The following NPAS3 variants were observed in gnomAD, a reference collection of about 807,000 sequenced individuals.
NPAS3 encodes the protein neuronal PAS domain protein 3.
NPAS3 carries 14 observed loss-of-function variants against 73.1 expected under a neutral mutation model. The observed-to-expected ratio is 0.19, with a 90% CI of 0.13 to 0.30. The LOEUF (loss-of-function observed/expected upper bound fraction) is 0.30. Among genes scored for constraint, NPAS3 ranks in the 10% least tolerant of loss-of-function variants. The probability of loss-of-function intolerance (pLI) is 1.00; values close to 1 mark genes in which losing one functional copy is unlikely to be tolerated. For missense variants in NPAS3, 1,096 were observed against 1,250.0 expected, an observed-to-expected ratio of 0.88 and a Z score of 1.86; for synonymous variants, 620 against 541.5, an observed-to-expected ratio of 1.14 and a Z score of -2.01.
At chr14:33,324,548 A>T (rs1250588086) in intron 3 of NPAS3, among the ~76,000 whole-genome samples, 1 of 152,184 alleles carries the variant, frequency 6.6e-6, no homozygotes, top group Non-Finnish European at 1.5e-5. Flanking sequence ...AACCTGTTTT[A>T]TTACTGCGAA....
chr14:33,440,226 G>A (rs1010123969), intron 4 of NPAS3, among the ~76,000 whole-genome samples: 3 of 152,074 alleles, frequency 2.0e-5, no homozygotes, highest in Non-Finnish European at 4.4e-5. Flanking sequence ...AGCATACTGA[G>A]AAGAGACCTG....
At chr14:33,535,658 A>G (rs1267198413) in intron 4 of NPAS3, among the ~76,000 whole-genome samples, 1 of 152,144 alleles carries the variant, frequency 6.6e-6, no homozygotes, top group African/African-American at 2.4e-5. Flanking sequence ...TGGATTATGG[A>G]TGATTTTTTT....
At chr14:33,456,866 A>T (rs1299531060) in intron 4 of NPAS3, among the ~76,000 whole-genome samples, 3 of 152,166 alleles carry the variant, frequency 2.0e-5, no homozygotes, top group Admixed American at 2.0e-4. Context: ...AGAAATCAGG[A>T]TTTAAAAACC....
rs78072675 is a variant in NPAS3, at chr14:33,522,633, G to A, written c.469-37488G>A. ...TTTTCGGACAAAGACATTGGGGACC[G>A]GAAAACCACATTTAAGACTGTGTTA... On this transcript the variant is annotated intron_variant, in intron 4 of 11. Coordinates refer to ENST00000356141, the Ensembl canonical transcript of NPAS3. Among the ~76,000 whole-genome samples the A allele has an allele frequency of 3.4e-3, 510 of 152,166 alleles. 4 individuals are homozygous for A. The highest frequency in any genetic ancestry group is 0.011 in the African/African-American group (474 of 41,526).
At chr14:33,207,269 A>ACACG (rs1555355864) in intron 2 of NPAS3, among the ~76,000 whole-genome samples, 14 of 139,784 alleles carry the variant, frequency 1.0e-4, no homozygotes, top group African/African-American at 3.4e-4. Context: ...ACACACACGC[A>ACACG]CACACACACA....
chr14:33,382,508 C>T (rs2046600425), intron 4 of NPAS3, among the ~76,000 whole-genome samples: 1 of 152,092 alleles, frequency 6.6e-6, no homozygotes, highest in Admixed American at 6.6e-5. Context: ...TAACCAGCCT[C>T]CTCTGAAATG....
At chr14:33,758,202 A>G (rs568038056) in intron 7 of NPAS3, among the ~76,000 whole-genome samples, 1 of 152,076 alleles carries the variant, frequency 6.6e-6, no homozygotes, top group East Asian at 1.9e-4. Flanking sequence ...CACCTACTCC[A>G]CTTTGTCCTC....
At chr14:33,437,014 G>A (rs2049017682) in intron 4 of NPAS3, among the ~76,000 whole-genome samples, 1 of 152,168 alleles carries the variant, frequency 6.6e-6, no homozygotes, top group Admixed American at 6.5e-5. Context: ...TGAAAAACGT[G>A]TAAAATCATC....
intron 3 of NPAS3, among the ~76,000 whole-genome samples, chr14:33,286,035 C>A (rs1336777552): frequency 6.6e-6 from 1 of 152,088 alleles, no homozygotes; most frequent in Non-Finnish European, 1.5e-5. Flanking sequence ...TCTCCCCTCC[C>A]CAGGCTGATG....
chr14:33,232,638 A>C (rs2047893244), intron 3 of NPAS3, among the ~76,000 whole-genome samples: 1 of 152,100 alleles, frequency 6.6e-6, no homozygotes, highest in East Asian at 1.9e-4. Context: ...GAGTTCTCAG[A>C]TTTTGTTCTA....
intron 3 of NPAS3, among the ~76,000 whole-genome samples, chr14:33,298,727 T>C (rs908995849): frequency 6.6e-6 from 1 of 152,182 alleles, no homozygotes; most frequent in African/African-American, 2.4e-5. Flanking sequence ...TAAGGGGAAA[T>C]TCGTTTAATA....
At chr14:33,777,569 A>C (rs2062859809) in intron 8 of NPAS3, among the ~76,000 whole-genome samples, 1 of 152,158 alleles carries the variant, frequency 6.6e-6, no homozygotes, top group Non-Finnish European at 1.5e-5. Flanking sequence ...ATAAAAAAAA[A>C]AAACACATGA....
intron 4 of NPAS3, among the ~76,000 whole-genome samples, chr14:33,556,231 C>T (rs1210829542): frequency 2.0e-5 from 3 of 152,198 alleles, no homozygotes; most frequent in African/African-American, 7.2e-5. Flanking sequence ...TTAAAAATCA[C>T]AATCCCCTTT....
intron 3 of NPAS3, among the ~76,000 whole-genome samples, chr14:33,226,059 T>C (rs2047619830): frequency 6.6e-6 from 1 of 152,228 alleles, no homozygotes; most frequent in Admixed American, 6.5e-5. Flanking sequence ...TAGCTATCCA[T>C]AGATGTATAT....
At chr14:33,294,841 G>C (rs1353723225) in intron 3 of NPAS3, among the ~76,000 whole-genome samples, 1 of 152,158 alleles carries the variant, frequency 6.6e-6, no homozygotes, top group Non-Finnish European at 1.5e-5. Context: ...GCAGATATCA[G>C]TGATGAGCAT....
At chr14:33,026,778 G>A (rs1228536956) in intron 1 of NPAS3, among the ~76,000 whole-genome samples, 2 of 152,018 alleles carry the variant, frequency 1.3e-5, no homozygotes, top group African/African-American at 2.4e-5. Context: ...TTAGTCTTTT[G>A]TATGCCTTTT....
At chr14:33,658,182 T>C (rs567814727) in intron 5 of NPAS3, among the ~76,000 whole-genome samples, 121 of 152,294 alleles carry the variant, frequency 7.9e-4, no homozygotes, top group East Asian at 2.5e-3. Context: ...ATTCTCCTCA[T>C]CAGAGGAAGC....
chr14:33,627,654 C>T (rs1191609005), intron 5 of NPAS3, among the ~76,000 whole-genome samples: 3 of 152,152 alleles, frequency 2.0e-5, no homozygotes, highest in African/African-American at 4.8e-5. Context: ...CAGTTTCCTA[C>T]AAGAACATCA....
intron 4 of NPAS3, among the ~76,000 whole-genome samples, chr14:33,368,322 A>AAAG (rs1273202388): frequency 6.6e-6 from 1 of 151,836 alleles, no homozygotes; most frequent in Non-Finnish European, 1.5e-5. Context: ...AAAAAAAAAA[A>AAAG]AAGAAGAAAA....
Sources: allele counts gnomAD v4.1 joint callset (sites outside exome capture counted in the v4.1 genomes callset), GRCh38; gene constraint gnomAD v4.1.1; transcripts MANE v1.5; gene names NCBI Gene and HGNC (gene_info 2026-07-23, HGNC 2026-07-21).